SRGAP2C: variants seen among roughly 807,000 people sequenced by gnomAD.
The protein encoded by SRGAP2C is SLIT-ROBO Rho GTPase activating protein 2C.
A neutral mutation model predicts 25.1 loss-of-function variants in SRGAP2C; 15 were observed. The ratio of observed to expected loss-of-function variants is 0.60; its 90% CI spans 0.40 to 0.92. SRGAP2C has a LOEUF of 0.92. Among genes scored for constraint, SRGAP2C ranks in the 40% least tolerant of loss-of-function variants. SRGAP2C has a pLI of 0.00. For missense variants in SRGAP2C, 144 were observed against 264.4 expected, an observed-to-expected ratio of 0.54 and a Z score of 3.16; for synonymous variants, 44 against 96.6, an observed-to-expected ratio of 0.46 and a Z score of 3.19.
At chr1:121,208,131 A>G (rs1655161500) in intron 2 of SRGAP2C, among the ~76,000 whole-genome samples, 1 of 152,220 alleles carries the variant, frequency 6.6e-6, no homozygotes, top group African/African-American at 2.4e-5. Flanking sequence ...TTTGCAAATT[A>G]CATAACCCAA....
chr1:121,192,021 A>G (rs1227694868), intron 2 of SRGAP2C, among the ~76,000 whole-genome samples: 1 of 151,338 alleles, frequency 6.6e-6, no homozygotes, highest in Non-Finnish European at 1.5e-5. Flanking sequence ...TGCTTGGAAC[A>G]GTTTAACCCT....
intron 3 of SRGAP2C, among the ~76,000 whole-genome samples, chr1:121,296,238 T>A (rs1657596550): frequency 6.6e-6 from 1 of 152,064 alleles, no homozygotes; most frequent in Non-Finnish European, 1.5e-5. Flanking sequence ...TTTTTGGCTG[T>A]TGGTAGAGAT....
At chr1:121,294,433 G>C (rs1401966688) in intron 3 of SRGAP2C, among the ~76,000 whole-genome samples, 1 of 147,356 alleles carries the variant, frequency 6.8e-6, no homozygotes, top group African/African-American at 2.5e-5. Flanking sequence ...TTATGCGAGG[G>C]TAGGAAGCCT....
intron 2 of SRGAP2C, among the ~76,000 whole-genome samples, chr1:121,206,478 C>T (rs1196699896): frequency 1.3e-5 from 2 of 152,152 alleles, no homozygotes; most frequent in South Asian, 4.1e-4. Context: ...TCAGTGGGGG[C>T]ACTCTGAGTT....
At chr1:121,222,274 G>T (rs1303634437) in intron 2 of SRGAP2C, among the ~76,000 whole-genome samples, 1 of 152,072 alleles carries the variant, frequency 6.6e-6, no homozygotes, top group East Asian at 1.9e-4. Flanking sequence ...CCATAGGGCT[G>T]CTGAACCTGA....
chr1:121,369,526 G>T (rs1325087748), intron 5 of SRGAP2C, among the ~76,000 whole-genome samples: 9 of 152,108 alleles, frequency 5.9e-5, no homozygotes, highest in Non-Finnish European at 7.3e-5. Flanking sequence ...CCTTGGCTTG[G>T]AGCAGCGGCT....
chr1:121,285,244 A>G (rs1448590897), intron 3 of SRGAP2C, among the ~76,000 whole-genome samples: 1 of 151,302 alleles, frequency 6.6e-6, no homozygotes, highest in Admixed American at 6.6e-5. Context: ...GTTGCCAGGC[A>G]TGTTACTAAG....
chr1:121,390,918 G>A lies in SRGAP2C; in HGVS notation c.*3063G>A, dbSNP rs1165473031. On this transcript the variant is annotated 3_prime_UTR_variant, in exon 10 of 10. Coordinates refer to ENST00000367123, the MANE Select transcript of SRGAP2C (RefSeq NM_001329984.2). ...TAGCTGGGTGTGGTGGCAGGCGCCTGTAATCCCAGCTACTCAGGAGGCTAA... is the reference window on the plus strand; with the variant it reads ...TAGCTGGGTGTGGTGGCAGGCGCCTATAATCCCAGCTACTCAGGAGGCTAA... The A allele has an allele frequency of 1.4e-5, 2 of 141,720 alleles. No homozygotes were observed. The highest frequency in any genetic ancestry group is 3.1e-5 in the Non-Finnish European group (2 of 65,382). The allele number at this position is 141,720 out of a possible 1,614,324, so 8.8% of individuals were successfully genotyped here. A position where few individuals can be genotyped will look rare whatever the true frequency, so the allele number is the denominator to read the frequency against.
intron 2 of SRGAP2C, among the ~76,000 whole-genome samples, chr1:121,249,566 ATATATATATATATAT>A (rs1288175492): frequency 0.011 from 374 of 33,198 alleles, 2 homozygotes; most frequent in African/African-American, 0.02. Flanking sequence ...ATATATATAT[ATATATATATATATAT>A]TTTTTTTTTT....
intron 4 of SRGAP2C, among the ~76,000 whole-genome samples, chr1:121,346,685 G>A (rs1336423057): frequency 6.6e-6 from 1 of 152,098 alleles, no homozygotes; most frequent in African/African-American, 2.4e-5. Flanking sequence ...AGTCTTACTG[G>A]GTTTCTGAAA....
intron 2 of SRGAP2C, among the ~76,000 whole-genome samples, chr1:121,191,751 C>G (rs587655692): frequency 1.7e-4 from 26 of 151,518 alleles, no homozygotes; most frequent in Non-Finnish European, 3.1e-4. Context: ...CCTTTACCCT[C>G]TCTATACCTT....
intron 4 of SRGAP2C, among the ~76,000 whole-genome samples, chr1:121,329,707 C>A (rs1365350431): frequency 6.7e-6 from 1 of 149,232 alleles, no homozygotes; most frequent in Non-Finnish European, 1.5e-5. Flanking sequence ...AAGGGAGGCT[C>A]CTTGCTAGCC....
At chr1:121,310,497 C>A (rs1243752763) in intron 3 of SRGAP2C, among the ~76,000 whole-genome samples, 2 of 79,212 alleles carry the variant, frequency 2.5e-5, no homozygotes, top group Non-Finnish European at 4.9e-5. Flanking sequence ...GAAGTCCTTG[C>A]CCACGCCTAT....
At chr1:121,337,603 G>A (rs1174955988) in intron 4 of SRGAP2C, among the ~76,000 whole-genome samples, 1 of 151,606 alleles carries the variant, frequency 6.6e-6, no homozygotes, top group Non-Finnish European at 1.5e-5. Flanking sequence ...TTGTACTCCA[G>A]CATGGGTGAC....
At chr1:121,234,921 C>T (rs1403945816) in intron 2 of SRGAP2C, among the ~76,000 whole-genome samples, 2 of 151,684 alleles carry the variant, frequency 1.3e-5, no homozygotes, top group Non-Finnish European at 2.9e-5. Flanking sequence ...GACTTCCTAG[C>T]CTCCAGAACT....
intron 2 of SRGAP2C, among the ~76,000 whole-genome samples, chr1:121,235,026 C>CTTT (rs587610530): frequency 2.2e-5 from 3 of 138,000 alleles, no homozygotes; most frequent in African/African-American, 8.9e-5. Flanking sequence ...TTCTTTCTTT[C>CTTT]TTTTTTTTTT....
intron 8 of SRGAP2C, among the ~76,000 whole-genome samples, chr1:121,385,757 C>G (rs587722009): frequency 6.6e-5 from 10 of 152,170 alleles, no homozygotes; most frequent in African/African-American, 2.4e-4. Context: ...CTGCTCTCAT[C>G]TGTCATCCAG....
chr1:121,340,691 A>G (rs1343111490), intron 4 of SRGAP2C, among the ~76,000 whole-genome samples: 40 of 151,552 alleles, frequency 2.6e-4, no homozygotes, highest in East Asian at 5.9e-4. Flanking sequence ...GGAGAGCTTC[A>G]TAGAGGGGAA....
At chr1:121,355,424 T>G (rs1452321037) in intron 4 of SRGAP2C, among the ~76,000 whole-genome samples, 4,571 of 75,736 alleles carry the variant, frequency 0.06, 982 homozygotes, top group African/African-American at 0.23. Flanking sequence ...TTCACGCCAT[T>G]CTCCTGCCTC....
Sources: allele counts gnomAD v4.1 joint callset (sites outside exome capture counted in the v4.1 genomes callset), GRCh38; gene constraint gnomAD v4.1.1; transcripts MANE v1.5; gene names NCBI Gene and HGNC (gene_info 2026-07-23, HGNC 2026-07-21).